Variants in OSGIN2 observed in about 807,000 individuals in gnomAD.
The protein encoded by OSGIN2 is oxidative stress induced growth inhibitor family member 2.
Under a neutral mutation model 53.8 loss-of-function variants are expected in OSGIN2, and 19 were observed. That is an observed-to-expected ratio of 0.35 (90% CI 0.25 to 0.52). The LOEUF is 0.52. OSGIN2 is among the 20% of genes least tolerant of loss of function. The pLI is 0.95. For synonymous variants in OSGIN2, 236 were observed against 236.0 expected (o/e 1.00, Z 0.00); for missense variants, 520 against 662.7 (o/e 0.78, Z 2.36).
rs199855828 is a variant in OSGIN2, at chr8:89,925,181, C to T, written c.1299C>T (p.Asp433=). ...PEHRVLSFKS[D]MKCVLQSVSG... is the part of the protein sequence containing the mutation. The stretch of plus-strand genomic sequence containing the variant: ...ACCGTGTGCTTTCCTTTAAGTCGGA[C>T]ATGAAATGTGTTCTCCAAAGCGTTT... The change falls in exon 6 of 6, where the codon GAC becomes GAT. Residue 433 remains aspartate (D), a synonymous_variant. Coordinates refer to ENST00000451899, the MANE Select transcript of OSGIN2 (RefSeq NM_001126111.3). The T allele has an allele frequency of 6.2e-6, 10 of 1,614,098 alleles. No homozygotes were observed. In the East Asian group the frequency reaches 2.0e-4, roughly 32 times the overall value.
chr8:89,906,177 C>T (rs948111560), intron 1 of OSGIN2, among the ~76,000 whole-genome samples: 2 of 152,138 alleles, frequency 1.3e-5, no homozygotes, highest in Admixed American at 1.3e-4. Flanking sequence ...AGGTATTAAG[C>T]CTAGTACCCA....
intron 3 of OSGIN2, 50 bp from the exon 4 acceptor site, chr8:89,914,505 C>G (rs1272392331): frequency 1.0e-5 from 14 of 1,398,454 alleles, no homozygotes; most frequent in Non-Finnish European, 1.3e-5. Flanking sequence ...AATATACTAT[C>G]TGGGAAATGC....
chr8:89,912,596 A>G (rs964295902), intron 2 of OSGIN2, among the ~76,000 whole-genome samples: 1 of 152,038 alleles, frequency 6.6e-6, no homozygotes, highest in African/African-American at 2.4e-5. Context: ...AAATACAAAA[A>G]TAAGCTGGGT....
chr8:89,909,049 T>C lies in OSGIN2; in HGVS notation c.45-518T>C, dbSNP rs1051902724. Among the ~76,000 whole-genome samples, 33 of 99,890 alleles carry C rather than the reference T, an allele frequency of 3.3e-4. No individual in the cohort carries two copies. In the East Asian group the frequency reaches 3.8e-3, roughly 12 times the overall value. The allele number at this position is 99,890 out of a possible 152,430, so 65.5% of individuals were successfully genotyped here. A position where few individuals can be genotyped will look rare whatever the true frequency, so the allele number is the denominator to read the frequency against. Reference sequence around the variant, plus strand: ...AAAAAAAAAAAAAAATATATATATATACATATATATATATATAATGTATAT... The same window carrying C: ...AAAAAAAAAAAAAAATATATATATACACATATATATATATATAATGTATAT... On this transcript the variant is annotated intron_variant, in intron 1 of 5. Coordinates refer to ENST00000451899, the MANE Select transcript of OSGIN2 (RefSeq NM_001126111.3).
In OSGIN2 at chr8:89,909,610, T is replaced by C. The variant is rs765659216; in HGVS notation, c.88T>C (p.Leu30=). Residue 30 remains leucine, a synonymous_variant, in exon 2 of 6, where the codon TTA becomes CTA. Transcript: ENST00000451899. The part of the protein sequence containing the change: ...TETEGEIFNS[L]VQYFGDNLGR... ...AACTGAAGGAGAGATTTTTAATTCCTTAGTGCAATACTTTGGTGACAACTT... is the reference window on the plus strand; with the variant it reads ...AACTGAAGGAGAGATTTTTAATTCCCTAGTGCAATACTTTGGTGACAACTT... 1.5e-5 allele frequency: 24 copies of C among 1,599,524 alleles called. No homozygotes were observed. The South Asian group carries it at 2.5e-4, about 17-fold the overall frequency.
In OSGIN2 at chr8:89,925,508, A is replaced by G. The variant is rs747461699; in HGVS notation, c.1626A>G (p.Arg542=). 1 of 1,612,740 alleles carries G rather than the reference A, an allele frequency of 6.2e-7. No individual in the cohort carries two copies. The highest frequency in any genetic ancestry group is 8.5e-7 in the Non-Finnish European group (1 of 1,179,042). The change falls in exon 6 of 6, where the codon AGA becomes AGG. Residue 542 remains arginine (R), a synonymous_variant. Transcript: ENST00000451899. ...RQKKKHLFVE[R]GGGDGIA ...AGAAAAAGCATTTGTTTGTTGAAAG[A>G]GGAGGAGGAGATGGGATAGCTTAAA...
At chr8:89,921,380 G>T in intron 5 of OSGIN2, 1 of 421,236 alleles carries the variant, frequency 2.4e-6, no homozygotes, top group East Asian at 3.7e-5. Flanking sequence ...GATTATTGCA[G>T]ATTGGTTTCC....
At chr8:89,907,787 C>A (rs948441340) in intron 1 of OSGIN2, among the ~76,000 whole-genome samples, 5 of 152,024 alleles carry the variant, frequency 3.3e-5, no homozygotes, top group African/African-American at 1.2e-4. Context: ...TTTTCTAGTT[C>A]TTTGAAGAAT....
At chr8:89,923,210 C>CT (rs1363416694) in intron 5 of OSGIN2, among the ~76,000 whole-genome samples, 1 of 152,166 alleles carries the variant, frequency 6.6e-6, no homozygotes, top group Non-Finnish European at 1.5e-5. Context: ...TTTACCACAA[C>CT]TTTAAGATGG....
intron 4 of OSGIN2, among the ~76,000 whole-genome samples, chr8:89,917,556 A>G (rs1809105246): frequency 6.6e-6 from 1 of 152,220 alleles, no homozygotes; most frequent in Non-Finnish European, 1.5e-5. Flanking sequence ...AAAAAAAATT[A>G]TACAACTGTG....
intron 5 of OSGIN2, 97 bp downstream of exon 5, chr8:89,921,268 T>C (rs1809195195): frequency 1.5e-6 from 1 of 681,534 alleles, no homozygotes; most frequent in Non-Finnish European, 2.6e-6. Context: ...GGCTGAAGAA[T>C]ATAAATGTAC....
Position 89,925,412 on chromosome 8 carries a change from T to G in OSGIN2, c.1530T>G (p.Val510=), listed in dbSNP as rs368417072. ...EANLFALGPL[V]GDNFVRFLKG... ...ACCTTTTTGCATTGGGTCCTTTGGT[T>G]GGAGACAATTTTGTTCGATTTTTAA... The change falls in exon 6 of 6, where the codon GTT becomes GTG. Residue 510 remains valine (V), a synonymous_variant. Transcript: ENST00000451899. 28 of 1,614,050 alleles carry G rather than the reference T, an allele frequency of 1.7e-5. No homozygotes were observed. Among genetic ancestry groups the G allele is most frequent in the Non-Finnish European group, 2.3e-5 (27 of 1,180,002 alleles).
At chr8:89,906,344 G>A (rs1469593325) in intron 1 of OSGIN2, among the ~76,000 whole-genome samples, 1 of 152,172 alleles carries the variant, frequency 6.6e-6, no homozygotes, top group Non-Finnish European at 1.5e-5. Flanking sequence ...ACGAATTTGT[G>A]TTGAGCCACA....
In OSGIN2 at chr8:89,914,466, T is replaced by C. The variant is rs1809036200; in HGVS notation, c.337-89T>C. On this transcript the variant is annotated intron_variant, in intron 3 of 5. Coordinates refer to ENST00000451899, the MANE Select transcript of OSGIN2 (RefSeq NM_001126111.3). Reference sequence around the variant, plus strand: ...TGGTCAAGTTGGGGGTACTGCTTTTTATCATTGGAGCATCATGGTAAGCAT... The same window carrying C: ...TGGTCAAGTTGGGGGTACTGCTTTTCATCATTGGAGCATCATGGTAAGCAT... 4.1e-6 allele frequency: 4 copies of C among 986,448 alleles called. No individual in the cohort carries two copies. In the Admixed American group the frequency reaches 1.0e-4, roughly 25 times the overall value. 61.1% of individuals were successfully genotyped at this position (986,448 alleles called of 1,614,324 possible). A position where few individuals can be genotyped will look rare whatever the true frequency, so the allele number is the denominator to read the frequency against.
chr8:89,925,292 G>C lies in OSGIN2; in HGVS notation c.1410G>C (p.Gly470=). Residue 470 remains glycine (G), a synonymous_variant, in exon 6 of 6, where the codon GGG becomes GGC. Transcript: ENST00000451899. ...HPNLSFLKDQ[G]CYLGHKSSQP... ...ATCTGTCTTTTCTGAAGGATCAAGGGTGTTACCTAGGCCATAAGTCAAGCC... is the reference window on the plus strand; with the variant it reads ...ATCTGTCTTTTCTGAAGGATCAAGGCTGTTACCTAGGCCATAAGTCAAGCC... The C allele has an allele frequency of 6.2e-7, 1 of 1,614,114 alleles. No homozygotes were observed. The highest frequency in any genetic ancestry group is 8.5e-7 in the Non-Finnish European group (1 of 1,179,988).
intron 2 of OSGIN2, among the ~76,000 whole-genome samples, chr8:89,912,743 TG>T (rs1182407593): frequency 6.1e-5 from 9 of 148,404 alleles, no homozygotes; most frequent in Admixed American, 1.3e-4. Flanking sequence ...AGACTCTGTC[TG>T]AAAAAAAAAA....
At position 89,924,579 on chromosome 8, in the gene OSGIN2, CAGA is replaced by C; in HGVS notation, c.702_704del (p.Lys234del). The C allele has an allele frequency of 6.2e-7, 1 of 1,613,680 alleles. No individual in the cohort carries two copies. ...ACATTATGTAAAAGTCATGGGTCTT[CAGA>C]AGAATTTCAGAGAGAATACTTACAT... is the stretch of plus-strand genomic sequence containing the variant. On this transcript the variant is annotated inframe_deletion, in exon 6 of 6. Transcript: ENST00000451899.
At chr8:89,907,473 C>G (rs2130690397) in intron 1 of OSGIN2, among the ~76,000 whole-genome samples, 2 of 152,280 alleles carry the variant, frequency 1.3e-5, no homozygotes, top group South Asian at 4.1e-4. Flanking sequence ...TTTAGATCTT[C>G]TGCATATGGC....
intron 1 of OSGIN2, among the ~76,000 whole-genome samples, chr8:89,906,765 G>GA (rs1808847733): frequency 6.6e-6 from 1 of 152,124 alleles, no homozygotes. Context: ...CTGTATAATA[G>GA]AATTATTTTT....
Sources: allele counts gnomAD v4.1 joint callset (sites outside exome capture counted in the v4.1 genomes callset), GRCh38; gene constraint gnomAD v4.1.1; transcripts MANE v1.5; gene names NCBI Gene and HGNC (gene_info 2026-07-23, HGNC 2026-07-21).